SCN3A: variants seen among roughly 807,000 people sequenced by gnomAD.
SCN3A encodes the protein sodium channel protein type 3 subunit alpha.
SCN3A carries 60 observed loss-of-function variants against 187.6 expected under a neutral mutation model. The ratio of observed to expected loss-of-function variants is 0.32; its 90% CI spans 0.26 to 0.40. SCN3A has a LOEUF of 0.40. Among genes scored for constraint, SCN3A ranks in the 10% least tolerant of loss-of-function variants. The pLI, the probability that SCN3A is intolerant of heterozygous loss-of-function variation, is 1.00. For synonymous variants in SCN3A, 788 were observed against 829.2 expected (o/e 0.95, Z 0.85); for missense variants, 1,601 against 2,428.2 (o/e 0.66, Z 7.16).
rs566276069 is a variant in SCN3A, at chr2:165,201,720, C to T, written c.-248+2103G>A. ...CTCCATGTTGTTTCCTGCTTGTTTC[C>T]ACTACAGAAGGAACTGGCCAAGAAA... On this transcript the variant is annotated intron_variant, in intron 1 of 27. Transcript: ENST00000283254. Among the ~76,000 whole-genome samples, 10 of 152,052 alleles carry T rather than the reference C, an allele frequency of 6.6e-5. No individual in the cohort carries two copies. In the South Asian group the frequency reaches 1.9e-3, roughly 28 times the overall value.
At chr2:165,132,329 C>A (rs1317627429) in intron 15 of SCN3A, among the ~76,000 whole-genome samples, 1 of 152,098 alleles carries the variant, frequency 6.6e-6, no homozygotes, top group East Asian at 1.9e-4. Context: ...CCCAGTCAAT[C>A]CTAAGCCAAA....
At chr2:165,097,548 A>G (rs1267070062) in intron 22 of SCN3A, 24 bp from the exon 23 acceptor site, 2 of 1,612,256 alleles carry the variant, frequency 1.2e-6, no homozygotes, top group Non-Finnish European at 8.5e-7. Flanking sequence ...CGAGGGGAAC[A>G]TAGCTTACAA....
chr2:165,138,469 T>G (rs1250584050), intron 14 of SCN3A, among the ~76,000 whole-genome samples: 2 of 152,226 alleles, frequency 1.3e-5, no homozygotes, highest in East Asian at 3.8e-4. Context: ...AATTATTGTT[T>G]CTTCTGAAAG....
At chr2:165,128,313 C>CT (rs570190981) in intron 17 of SCN3A, among the ~76,000 whole-genome samples, 205 of 152,110 alleles carry the variant, frequency 1.3e-3, no homozygotes, top group Non-Finnish European at 2.0e-3. Flanking sequence ...AGCACCTCTT[C>CT]TTTTTTTCCT....
intron 18 of SCN3A, among the ~76,000 whole-genome samples, chr2:165,120,530 ACTG>A (rs1024410060): frequency 1.3e-5 from 2 of 151,534 alleles, no homozygotes; most frequent in African/African-American, 4.9e-5. Context: ...ACTCTCACAA[ACTG>A]CTGTATGATT....
intron 27 of SCN3A, 30 bp from the exon 28 acceptor site, chr2:165,091,375 GATA>G: frequency 2.5e-6 from 4 of 1,612,848 alleles, no homozygotes; most frequent in Non-Finnish European, 3.4e-6. Context: ...CAGCTAAACA[GATA>G]ATATCTTTCA....
intron 15 of SCN3A, among the ~76,000 whole-genome samples, chr2:165,135,408 A>G (rs1249984849): frequency 6.6e-6 from 1 of 152,126 alleles, no homozygotes; most frequent in Non-Finnish European, 1.5e-5. Flanking sequence ...GGAAAATTCC[A>G]CAATTCAGTG....
At position 165,134,782 on chromosome 2, in the gene SCN3A, T is replaced by G. The variant is rs79643051; in HGVS notation, c.2391+3097A>C. Among the ~76,000 whole-genome samples, 1,109 of 152,138 alleles carry G rather than the reference T, an allele frequency of 7.3e-3. 7 individuals are homozygous for G. The highest frequency in any genetic ancestry group is 0.017 in the Middle Eastern group (5 of 294). On this transcript the variant is annotated intron_variant, in intron 15 of 27. Coordinates refer to ENST00000283254, the MANE Select transcript of SCN3A (RefSeq NM_006922.4). ...TTTTAGAAGCAGCTATTATTTGAAA[T>G]AGGCACTCTGATGATAGAAATATAT...
At chr2:165,186,229 C>T (rs1001926452) in intron 2 of SCN3A, among the ~76,000 whole-genome samples, 5 of 151,934 alleles carry the variant, frequency 3.3e-5, no homozygotes, top group Admixed American at 1.3e-4. Flanking sequence ...AAGTTCATGC[C>T]ACTGCACTCC....
At chr2:165,201,473 G>A (rs1692314682) in intron 1 of SCN3A, among the ~76,000 whole-genome samples, 1 of 152,000 alleles carries the variant, frequency 6.6e-6, no homozygotes, top group South Asian at 2.1e-4. Flanking sequence ...CTTTTGATGT[G>A]AGTTAGGATG....
chr2:165,164,241 T>C (rs908752137), intron 6 of SCN3A, 151 bp downstream of exon 6: 2 of 943,836 alleles, frequency 2.1e-6, no homozygotes, highest in African/African-American at 3.4e-5. Flanking sequence ...CATTGCAATA[T>C]GTATTCTAAT....
In SCN3A at chr2:165,162,501, A is replaced by T. The variant is rs1339430630; in HGVS notation, c.967+55T>A. On this transcript the variant is annotated intron_variant, in intron 8 of 27. Transcript: ENST00000283254. ...TGTACACCCACAGTCTCAACTATTTATAGTTGAAAATTCATTCAGCAACAC... is the reference window on the plus strand; with the variant it reads ...TGTACACCCACAGTCTCAACTATTTTTAGTTGAAAATTCATTCAGCAACAC... 4.3e-6 allele frequency: 7 copies of T among 1,609,652 alleles called. No individual in the cohort carries two copies. The Admixed American group carries it at 1.2e-4, about 27-fold the overall frequency.
intron 15 of SCN3A, among the ~76,000 whole-genome samples, chr2:165,132,440 T>C (rs1687392111): frequency 6.6e-6 from 1 of 152,018 alleles, no homozygotes; most frequent in Non-Finnish European, 1.5e-5. Context: ...GAGATATAGA[T>C]CAATGGAACA....
chr2:165,163,490 A>T, intron 7 of SCN3A, 128 bp downstream of exon 7: 2 of 1,128,688 alleles, frequency 1.8e-6, no homozygotes, highest in South Asian at 2.7e-5. Flanking sequence ...CTGACATTGA[A>T]ACATCATTTG....
At chr2:165,099,610 A>G (rs1056231460) in intron 22 of SCN3A, among the ~76,000 whole-genome samples, 1 of 151,992 alleles carries the variant, frequency 6.6e-6, no homozygotes, top group Non-Finnish European at 1.5e-5. Context: ...CCAGCTACTC[A>G]GGAGGCTGAG....
chr2:165,107,705 T>C (rs1158570186), intron 21 of SCN3A, among the ~76,000 whole-genome samples: 11 of 152,174 alleles, frequency 7.2e-5, no homozygotes, highest in Non-Finnish European at 1.3e-4. Context: ...TATTGTAAAA[T>C]ATGGATCAAA....
intron 12 of SCN3A, among the ~76,000 whole-genome samples, chr2:165,144,331 TTA>T (rs1688195921): frequency 6.6e-6 from 1 of 151,988 alleles, no homozygotes; most frequent in Non-Finnish European, 1.5e-5. Context: ...ACTTTTGAAA[TTA>T]TCCATCTATC....
chr2:165,123,565 T>G (rs748300825), intron 18 of SCN3A, among the ~76,000 whole-genome samples: 4 of 152,182 alleles, frequency 2.6e-5, no homozygotes, highest in Non-Finnish European at 4.4e-5. Context: ...GTGCTCACTT[T>G]ATTAGCAAAG....
In SCN3A at chr2:165,090,312, G is replaced by A. The variant is rs777771890; in HGVS notation, c.5841C>T (p.Asp1947=). Residue 1947 remains aspartate (D), a synonymous_variant, in exon 28 of 28, where the codon GAC becomes GAT. Transcript: ENST00000283254. This position sits in a 1 kb window ranked among gnomAD's most constrained non-coding sequence, Gnocchi z 4.0. ...DLPIKQDMII[D]KLNGNSTPEK... is the part of the protein sequence containing the mutation. ...CTGGAGTGGAGTTCCCATTTAGTTT[G>A]TCAATAATCATGTCTTGTTTTATAG... The A allele has an allele frequency of 4.3e-6, 7 of 1,613,318 alleles. No homozygotes were observed. The Admixed American group carries it at 1.2e-4, about 27-fold the overall frequency.
Sources: allele counts gnomAD v4.1 joint callset (sites outside exome capture counted in the v4.1 genomes callset), GRCh38; gene constraint gnomAD v4.1.1; non-coding constraint Gnocchi (gnomAD v3.1); transcripts MANE v1.5; gene names NCBI Gene and HGNC (gene_info 2026-07-23, HGNC 2026-07-21).